Variants in MALRD1 observed in about 807,000 individuals in gnomAD.
MALRD1 encodes the protein MAM and LDL-receptor class A domain-containing protein 1.
Under a neutral mutation model 242.1 loss-of-function variants are expected in MALRD1, and 247 were observed. That is an observed-to-expected ratio of 1.02 (90% CI 0.92 to 1.13). MALRD1 has a LOEUF of 1.13. Ranked by LOEUF, MALRD1 falls within the 50% of genes most tolerant of loss-of-function variation. The pLI is 0.00. For missense variants in MALRD1, 2,989 were observed against 2,533.1 expected, an observed-to-expected ratio of 1.18 and a Z score of -3.86; for synonymous variants, 995 against 866.6, an observed-to-expected ratio of 1.15 and a Z score of -2.60.
At chr10:19,238,406 GTATAATA>G (rs1200811461) in intron 18 of MALRD1, among the ~76,000 whole-genome samples, 3 of 52,916 alleles carry the variant, frequency 5.7e-5, no homozygotes, top group African/African-American at 7.6e-5. Context: ...TATATATTAT[GTATAATA>G]TATAATATAC....
At chr10:19,427,718 T>G (rs1047400672) in intron 28 of MALRD1, among the ~76,000 whole-genome samples, 1 of 152,324 alleles carries the variant, frequency 6.6e-6, no homozygotes, top group Non-Finnish European at 1.5e-5. Flanking sequence ...ATATAGACTG[T>G]GTGTAAGATC....
At chr10:19,425,025 A>G (rs1263653360) in intron 28 of MALRD1, among the ~76,000 whole-genome samples, 2 of 152,240 alleles carry the variant, frequency 1.3e-5, no homozygotes, top group African/African-American at 4.8e-5. Context: ...TTCATGGTTG[A>G]CATGAATTAT....
chr10:19,120,030 G>A (rs913513666), intron 5 of MALRD1, among the ~76,000 whole-genome samples: 1 of 152,030 alleles, frequency 6.6e-6, no homozygotes, highest in Non-Finnish European at 1.5e-5. Flanking sequence ...GGAGTGTAGA[G>A]TTGGAGTCCA....
chr10:19,331,511 T>G lies in MALRD1; in HGVS notation c.3830T>G (p.Ile1277Ser), dbSNP rs992024722. 5 of 1,550,274 alleles carry G rather than the reference T, an allele frequency of 3.2e-6. No homozygotes were observed. The African/African-American group carries it at 6.8e-5, about 21-fold the overall frequency. ...TTCATGTGTGCTAATAAGCACTGCA[T>G]TGCCAAAGACAAGCTGTGTGATTTT... is the stretch of plus-strand genomic sequence containing the variant. ...HEFMCANKHC[I>S]AKDKLCDFVN... Residue 1277 changes from isoleucine to serine, a missense_variant, in exon 24 of 40, where the codon ATT (isoleucine) becomes AGT (serine). Physicochemically the swap from Ile to Ser is moderately radical, Grantham distance 142. Coordinates refer to ENST00000454679, the MANE Select transcript of MALRD1 (RefSeq NM_001142308.3).
At chr10:19,515,299 A>G (rs908496798) in intron 31 of MALRD1, among the ~76,000 whole-genome samples, 2 of 152,182 alleles carry the variant, frequency 1.3e-5, no homozygotes, top group Admixed American at 1.3e-4. Flanking sequence ...CAACTGAGCT[A>G]TATCACACCA....
At chr10:19,488,094 T>TA (rs34139974) in intron 29 of MALRD1, among the ~76,000 whole-genome samples, 2 of 151,858 alleles carry the variant, frequency 1.3e-5, no homozygotes, top group Admixed American at 6.6e-5. Flanking sequence ...TTGAAGTTGA[T>TA]AAAAAAAATT....
chr10:19,618,029 A>C (rs1379150102), intron 36 of MALRD1, among the ~76,000 whole-genome samples: 1 of 151,894 alleles, frequency 6.6e-6, no homozygotes, highest in Admixed American at 6.6e-5. Flanking sequence ...CCCTTTGTGC[A>C]TCCATGTGTT....
At chr10:19,495,628 A>G (rs1001310679) in intron 30 of MALRD1, among the ~76,000 whole-genome samples, 6 of 152,158 alleles carry the variant, frequency 3.9e-5, no homozygotes, top group Non-Finnish European at 5.9e-5. Context: ...AAACACACCT[A>G]AGTACACAGA....
chr10:19,439,642 A>G (rs1454482223), intron 28 of MALRD1, among the ~76,000 whole-genome samples: 2 of 152,200 alleles, frequency 1.3e-5, no homozygotes, highest in Non-Finnish European at 2.9e-5. Context: ...TTAGCTATAC[A>G]ACTATACTAA....
chr10:19,212,162 C>T (rs1197254465), intron 18 of MALRD1, among the ~76,000 whole-genome samples: 1 of 152,042 alleles, frequency 6.6e-6, no homozygotes, highest in African/African-American at 2.4e-5. Flanking sequence ...AGTTTAGAAA[C>T]CATCAGCACA....
At chr10:19,568,184 TAA>T (rs1297704175) in intron 33 of MALRD1, among the ~76,000 whole-genome samples, 1 of 152,194 alleles carries the variant, frequency 6.6e-6, no homozygotes, top group Non-Finnish European at 1.5e-5. Flanking sequence ...ACACCTTTTC[TAA>T]AAAAGTCACC....
rs1449193339 is a variant in MALRD1, at chr10:19,158,140, G to A, written c.1656+2968G>A. On this transcript the variant is annotated intron_variant, in intron 12 of 39. Coordinates refer to ENST00000454679, the MANE Select transcript of MALRD1 (RefSeq NM_001142308.3). ...TGCTGTTACTGTTTACAATTAACTAGGAAATGTAAAGTATGAAGGGGATTA... is the reference window on the plus strand; with the variant it reads ...TGCTGTTACTGTTTACAATTAACTAAGAAATGTAAAGTATGAAGGGGATTA... Among the ~76,000 whole-genome samples, 4 of 152,176 alleles carry A rather than the reference G, an allele frequency of 2.6e-5. No individual in the cohort carries two copies. In the East Asian group the frequency reaches 7.7e-4, roughly 29 times the overall value.
intron 29 of MALRD1, among the ~76,000 whole-genome samples, chr10:19,490,348 A>G (rs1487540815): frequency 2.6e-5 from 4 of 152,136 alleles, no homozygotes; most frequent in Non-Finnish European, 2.9e-5. Flanking sequence ...AGACATTTAA[A>G]TAATCTTAAA....
intron 36 of MALRD1, among the ~76,000 whole-genome samples, chr10:19,654,380 C>G (rs1159182857): frequency 6.6e-6 from 1 of 152,102 alleles, no homozygotes; most frequent in Non-Finnish European, 1.5e-5. Context: ...ATGTAAATGT[C>G]TGTTTAATTT....
chr10:19,467,781 AT>A (rs1030179151), intron 29 of MALRD1, among the ~76,000 whole-genome samples: 3 of 126,562 alleles, frequency 2.4e-5, no homozygotes, highest in East Asian at 2.5e-4. Context: ...TACTTTTTAA[AT>A]TTTTTTTTAA....
chr10:19,128,020 C>A (rs1837336423), intron 7 of MALRD1, among the ~76,000 whole-genome samples: 1 of 152,162 alleles, frequency 6.6e-6, no homozygotes, highest in East Asian at 1.9e-4. Context: ...TAGGAGATTT[C>A]TCTACATATT....
chr10:19,252,555 A>G (rs1424610950), intron 18 of MALRD1, among the ~76,000 whole-genome samples: 1 of 152,060 alleles, frequency 6.6e-6, no homozygotes, highest in Non-Finnish European at 1.5e-5. Flanking sequence ...AAATAAGAAA[A>G]CAGATTTGGT....
At chr10:19,454,532 A>G (rs1018579382) in intron 29 of MALRD1, among the ~76,000 whole-genome samples, 2 of 150,010 alleles carry the variant, frequency 1.3e-5, no homozygotes, top group Non-Finnish European at 3.0e-5. Flanking sequence ...ATAAACCCAT[A>G]TAAGTTGAAA....
chr10:19,486,811 A>C (rs1439583205), intron 29 of MALRD1, among the ~76,000 whole-genome samples: 1 of 152,162 alleles, frequency 6.6e-6, no homozygotes, highest in Non-Finnish European at 1.5e-5. Flanking sequence ...ATCCAAATTG[A>C]AATTTATAGG....
Sources: gnomAD v4.1 joint callset for allele counts (sites outside exome capture counted in the v4.1 genomes callset) on GRCh38, gnomAD v4.1.1 for gene constraint, MANE v1.5 for transcripts, NCBI Gene and HGNC (gene_info 2026-07-23, HGNC 2026-07-21) for gene names.